The following ARHGAP19 variants were observed in gnomAD, a reference collection of about 807,000 sequenced individuals.
ARHGAP19 encodes Rho GTPase activating protein 19.
ARHGAP19 carries 48 observed loss-of-function variants against 60.9 expected under a neutral mutation model. The ratio of observed to expected loss-of-function variants is 0.79; its 90% confidence interval spans 0.62 to 1.00. The LOEUF (loss-of-function observed/expected upper bound fraction) is 1.00, where lower values mean the gene tolerates loss of function less well. Among genes scored for constraint, ARHGAP19 ranks in the 50% least tolerant of loss-of-function variants. The pLI is 0.00. For synonymous variants in ARHGAP19, 209 were observed against 215.5 expected (o/e 0.97, Z 0.27); for missense variants, 562 against 597.2 (o/e 0.94, Z 0.61).
At chr10:97,271,580 AAGTTATC>A (rs1259550016) in intron 1 of ARHGAP19, among the ~76,000 whole-genome samples, 1 of 152,044 alleles carries the variant, frequency 6.6e-6, no homozygotes, top group Non-Finnish European at 1.5e-5. Context: ...TCAACTTTAC[AAGTTATC>A]AGAATAAAGC....
intron 1 of ARHGAP19, among the ~76,000 whole-genome samples, chr10:97,285,519 C>CTTTT (rs1245251335): frequency 9.9e-5 from 11 of 110,942 alleles, no homozygotes; most frequent in African/African-American, 1.7e-4. Context: ...TTTTTTTTTG[C>CTTTT]TTTTTTTTTT....
intron 3 of ARHGAP19, 83 bp downstream of exon 3, chr10:97,264,743 C>T (rs1842875889): frequency 1.0e-6 from 1 of 968,180 alleles, no homozygotes; most frequent in Non-Finnish European, 1.6e-6. Flanking sequence ...TAATTGGCAC[C>T]TACTAACTCA....
intron 8 of ARHGAP19, among the ~76,000 whole-genome samples, chr10:97,241,293 C>CA (rs1335930036): frequency 1.3e-5 from 2 of 151,872 alleles, no homozygotes; most frequent in African/African-American, 4.8e-5. Flanking sequence ...CCACTATACT[C>CA]AAATATGATC....
chr10:97,241,781 G>A (rs568982347), intron 8 of ARHGAP19, among the ~76,000 whole-genome samples: 4 of 152,066 alleles, frequency 2.6e-5, no homozygotes, highest in African/African-American at 9.6e-5. Flanking sequence ...AGGCCGAGGT[G>A]GGCGGATCAC....
chr10:97,256,485 G>T, intron 5 of ARHGAP19, 81 bp from the exon 6 acceptor site: 1 of 1,039,846 alleles, frequency 9.6e-7, no homozygotes, highest in South Asian at 1.3e-5. Flanking sequence ...TCTTTCAAAT[G>T]TATGAAGTTT....
At chr10:97,285,065 A>T (rs926703377) in intron 1 of ARHGAP19, among the ~76,000 whole-genome samples, 7 of 151,644 alleles carry the variant, frequency 4.6e-5, no homozygotes, top group Non-Finnish European at 8.8e-5. Flanking sequence ...GGGTTTCACC[A>T]TGCTGGCCAG....
At chr10:97,251,304 A>G (rs1341467563) in intron 6 of ARHGAP19, among the ~76,000 whole-genome samples, 31 of 18,564 alleles carry the variant, frequency 1.7e-3, no homozygotes, top group Non-Finnish European at 2.4e-3. Context: ...GAAGGGGAAA[A>G]GGAAGGGAAG....
chr10:97,236,006 T>G (rs377519626), intron 8 of ARHGAP19, among the ~76,000 whole-genome samples: 2 of 152,182 alleles, frequency 1.3e-5, no homozygotes, highest in Non-Finnish European at 2.9e-5. Context: ...AGACAGAGTC[T>G]CACTCTGTTG....
chr10:97,286,524 G>A (rs1006840359), intron 1 of ARHGAP19, among the ~76,000 whole-genome samples: 36 of 152,332 alleles, frequency 2.4e-4, no homozygotes, highest in African/African-American at 6.3e-4. Context: ...CCCAGAAGGC[G>A]GAGGTTGCAG....
In ARHGAP19 at chr10:97,229,884, G is replaced by A. The variant is rs1403854274; in HGVS notation, c.1285-10C>T. Reference sequence around the variant, plus strand: ...TTCCCAGGACCTTCCGCTGATTTAAGAACAGAAAACATTTGATTTATAAAC... The same window carrying A: ...TTCCCAGGACCTTCCGCTGATTTAAAAACAGAAAACATTTGATTTATAAAC... On this transcript the variant is annotated splice_polypyrimidine_tract_variant and intron_variant, in intron 9 of 11. Coordinates refer to ENST00000358531, the MANE Select transcript of ARHGAP19 (RefSeq NM_032900.6). The A allele has an allele frequency of 2.5e-6, 4 of 1,571,560 alleles. No homozygotes were observed. The highest frequency in any genetic ancestry group is 8.7e-7 in the Non-Finnish European group (1 of 1,147,928).
intron 1 of ARHGAP19, among the ~76,000 whole-genome samples, chr10:97,274,422 G>A (rs754268036): frequency 3.3e-5 from 5 of 151,512 alleles, no homozygotes; most frequent in South Asian, 2.1e-4. Context: ...CTGAGATTGC[G>A]CCACTGTACT....
intron 1 of ARHGAP19, among the ~76,000 whole-genome samples, chr10:97,291,970 C>A (rs370188143): frequency 1.3e-5 from 2 of 152,218 alleles, no homozygotes; most frequent in African/African-American, 4.8e-5. Flanking sequence ...CTTAGCTGTT[C>A]TACTAGGAAG....
intron 1 of ARHGAP19, among the ~76,000 whole-genome samples, chr10:97,285,191 T>C (rs987166943): frequency 2.6e-5 from 4 of 152,034 alleles, no homozygotes; most frequent in Admixed American, 2.0e-4. Context: ...AAAGCTTCAA[T>C]GGATTTGTAG....
At chr10:97,238,063 T>C (rs1437358223) in intron 8 of ARHGAP19, among the ~76,000 whole-genome samples, 4 of 152,166 alleles carry the variant, frequency 2.6e-5, no homozygotes, top group African/African-American at 9.6e-5. Flanking sequence ...AAAAAGGCAT[T>C]GTTATCATAG....
At chr10:97,249,406 C>A (rs905126840) in intron 6 of ARHGAP19, among the ~76,000 whole-genome samples, 1 of 152,164 alleles carries the variant, frequency 6.6e-6, no homozygotes, top group African/African-American at 2.4e-5. Flanking sequence ...GTGACGCACA[C>A]AAACATCACC....
chr10:97,284,982 G>A (rs1176471273), intron 1 of ARHGAP19, among the ~76,000 whole-genome samples: 2 of 149,264 alleles, frequency 1.3e-5, no homozygotes, highest in Non-Finnish European at 3.0e-5. Flanking sequence ...TCCTACCTCA[G>A]CCTCCCAAGT....
chr10:97,264,961 A>G, intron 2 of ARHGAP19, 55 bp from the exon 3 acceptor site: 1 of 1,355,754 alleles, frequency 7.4e-7, no homozygotes, highest in Non-Finnish European at 1.1e-6. Context: ...GTACAAAATC[A>G]TCATACCTAA....
intron 1 of ARHGAP19, among the ~76,000 whole-genome samples, chr10:97,274,456 C>T (rs1240121819): frequency 2.0e-5 from 3 of 147,008 alleles, no homozygotes; most frequent in Non-Finnish European, 4.4e-5. Flanking sequence ...CAGAGCAAGA[C>T]TCCATCTTAA....
intron 8 of ARHGAP19, among the ~76,000 whole-genome samples, chr10:97,239,552 GTGTGTGTGTGTGTGTGTGT>G (rs1842441461): frequency 1.5e-3 from 15 of 9,916 alleles, no homozygotes; most frequent in South Asian, 4.1e-3. Flanking sequence ...GAGAGAGAGG[GTGTGTGTGTGTGTGTGTGT>G]GTGTGTGTGT....
Sources: allele counts gnomAD v4.1 joint callset (sites outside exome capture counted in the v4.1 genomes callset), GRCh38; gene constraint gnomAD v4.1.1; transcripts MANE v1.5; gene names NCBI Gene and HGNC (gene_info 2026-07-23, HGNC 2026-07-21).